The following SMYD3 variants were observed in gnomAD, a reference collection of about 807,000 sequenced individuals.
SMYD3 encodes the protein histone-lysine N-methyltransferase SMYD3.
A neutral mutation model predicts 57.7 loss-of-function variants in SMYD3; 36 were observed. The ratio of observed to expected loss-of-function variants is 0.62; its 90% CI spans 0.48 to 0.82. The LOEUF (loss-of-function observed/expected upper bound fraction) is 0.82. Ranked by LOEUF, SMYD3 falls within the 40% of genes least tolerant of loss-of-function variation. The probability of loss-of-function intolerance (pLI) is 0.00; values close to 1 mark genes in which losing one functional copy is unlikely to be tolerated. For missense variants in SMYD3, 515 were observed against 538.8 expected (o/e 0.96, Z 0.44); for synonymous variants, 211 against 195.0 (o/e 1.08, Z -0.68).
intron 5 of SMYD3, among the ~76,000 whole-genome samples, chr1:245,954,595 G>A (rs1295802152): frequency 6.6e-6 from 1 of 152,162 alleles, no homozygotes; most frequent in Admixed American, 6.5e-5. Flanking sequence ...AGGCTCGCTT[G>A]AGCCCCCAGG....
At chr1:246,026,790 G>C (rs1269775014) in intron 5 of SMYD3, among the ~76,000 whole-genome samples, 7 of 152,112 alleles carry the variant, frequency 4.6e-5, no homozygotes, top group Non-Finnish European at 1.0e-4. Context: ...CCTTACAATG[G>C]CCTCTAAGTG....
intron 1 of SMYD3, among the ~76,000 whole-genome samples, chr1:246,375,887 G>A (rs995287447): frequency 2.0e-5 from 3 of 151,720 alleles, no homozygotes; most frequent in Admixed American, 6.6e-5. Flanking sequence ...GCACCACCAC[G>A]CCTGGCTCAT....
intron 5 of SMYD3, among the ~76,000 whole-genome samples, chr1:246,100,394 C>T (rs1469615975): frequency 1.3e-5 from 2 of 152,206 alleles, no homozygotes; most frequent in African/African-American, 4.8e-5. Context: ...CAGATGGCCC[C>T]ACTCAGGAGT....
intron 3 of SMYD3, among the ~76,000 whole-genome samples, chr1:246,333,056 C>T (rs995599993): frequency 5.9e-5 from 9 of 152,294 alleles, no homozygotes; most frequent in Non-Finnish European, 1.0e-4. Flanking sequence ...GGGACTAATG[C>T]AGCTGGTGAC....
At chr1:245,959,956 T>C (rs1374887265) in intron 5 of SMYD3, among the ~76,000 whole-genome samples, 1 of 152,058 alleles carries the variant, frequency 6.6e-6, no homozygotes, top group Non-Finnish European at 1.5e-5. Context: ...CTTTTTCCAT[T>C]TTCTGTAGAG....
At chr1:246,270,420 A>G (rs2064199239) in intron 5 of SMYD3, among the ~76,000 whole-genome samples, 1 of 152,082 alleles carries the variant, frequency 6.6e-6, no homozygotes, top group Admixed American at 6.5e-5. Flanking sequence ...CATCTCTGTA[A>G]CTCTTTTCAT....
chr1:246,141,696 T>A (rs1390754774), intron 5 of SMYD3, among the ~76,000 whole-genome samples: 1 of 151,894 alleles, frequency 6.6e-6, no homozygotes, highest in Non-Finnish European at 1.5e-5. Context: ...TTAAAAAAAA[T>A]CTTCATTTAA....
intron 5 of SMYD3, among the ~76,000 whole-genome samples, chr1:246,118,183 A>T (rs2061371372): frequency 6.6e-6 from 1 of 152,230 alleles, no homozygotes; most frequent in South Asian, 2.1e-4. Flanking sequence ...TAAGGTAAAA[A>T]CAGTAGCTGA....
intron 5 of SMYD3, among the ~76,000 whole-genome samples, chr1:246,088,348 G>A (rs534685743): frequency 6.6e-6 from 1 of 151,736 alleles, no homozygotes; most frequent in Non-Finnish European, 1.5e-5. Context: ...GAGTAATCAC[G>A]CCTGTAATCC....
At chr1:246,155,906 G>C (rs1331229145) in intron 5 of SMYD3, among the ~76,000 whole-genome samples, 1 of 152,014 alleles carries the variant, frequency 6.6e-6, no homozygotes, top group Admixed American at 6.6e-5. Flanking sequence ...AGAATCGCTT[G>C]AATCTCAGAG....
chr1:246,330,565 T>C (rs554403510), intron 3 of SMYD3, 28 bp from the exon 4 acceptor site: 2 of 1,570,732 alleles, frequency 1.3e-6, no homozygotes, highest in African/African-American at 2.7e-5. Context: ...AAAACGCCAA[T>C]AACAATTTCA....
intron 10 of SMYD3, among the ~76,000 whole-genome samples, chr1:245,773,726 A>G (rs891792403): frequency 6.6e-6 from 1 of 152,250 alleles, no homozygotes; most frequent in East Asian, 1.9e-4. Flanking sequence ...GGCTAGCACA[A>G]CTGAAGTATA....
At chr1:246,485,312 T>C (rs566298451) in intron 1 of SMYD3, among the ~76,000 whole-genome samples, 130 of 152,272 alleles carry the variant, frequency 8.5e-4, no homozygotes, top group African/African-American at 3.1e-3. Context: ...TCAACCAAAA[T>C]ACCTAAACTA....
At chr1:245,877,150 CG>C (rs2052533955) in intron 8 of SMYD3, among the ~76,000 whole-genome samples, 1 of 152,172 alleles carries the variant, frequency 6.6e-6, no homozygotes, top group Non-Finnish European at 1.5e-5. Flanking sequence ...GCTGCGGAGA[CG>C]GGGCAGCTCC....
chr1:246,009,262 G>A (rs2059233588), intron 5 of SMYD3, among the ~76,000 whole-genome samples: 1 of 152,126 alleles, frequency 6.6e-6, no homozygotes. Context: ...TTCATGTATT[G>A]GGGGCTATAC....
At chr1:246,232,101 T>C (rs1366816448) in intron 5 of SMYD3, among the ~76,000 whole-genome samples, 2 of 152,144 alleles carry the variant, frequency 1.3e-5, no homozygotes, top group African/African-American at 2.4e-5. Flanking sequence ...AATACATACA[T>C]TGAGATTCGG....
intron 5 of SMYD3, among the ~76,000 whole-genome samples, chr1:246,284,222 T>C (rs73142846): frequency 0.04 from 6,081 of 152,258 alleles, 411 homozygotes; most frequent in African/African-American, 0.14. Context: ...GCTGCAGTAC[T>C]TCTGCATCTA....
chr1:246,108,416 C>T (rs1275978284), intron 5 of SMYD3, among the ~76,000 whole-genome samples: 1 of 152,160 alleles, frequency 6.6e-6, no homozygotes. Context: ...AGATCACACC[C>T]TCACACAATT....
At chr1:246,067,448 T>C (rs1044355315) in intron 5 of SMYD3, among the ~76,000 whole-genome samples, 10 of 151,950 alleles carry the variant, frequency 6.6e-5, no homozygotes, top group Non-Finnish European at 1.3e-4. Flanking sequence ...AAGTGGGGAG[T>C]GGGAGTTGCG....
Sources: gnomAD v4.1 joint callset for allele counts (sites outside exome capture counted in the v4.1 genomes callset) on GRCh38, gnomAD v4.1.1 for gene constraint, MANE v1.5 for transcripts, NCBI Gene and HGNC (gene_info 2026-07-23, HGNC 2026-07-21) for gene names.